GRXCR1: variants seen among roughly 807,000 people sequenced by gnomAD.
GRXCR1 encodes the protein glutaredoxin and cysteine rich domain containing 1, also known as glutaredoxin domain-containing cysteine-rich protein 1.
A neutral mutation model predicts 27.3 loss-of-function variants in GRXCR1; 27 were observed. That is an observed-to-expected ratio of 0.99 (90% CI 0.73 to 1.37). GRXCR1 has a LOEUF of 1.37. Among genes scored for constraint, GRXCR1 ranks in the 40% most tolerant of loss-of-function variants. The pLI, the probability that GRXCR1 is intolerant of heterozygous loss-of-function variation, is 0.00. For missense variants in GRXCR1, 379 were observed against 354.4 expected, an observed-to-expected ratio of 1.07 and a Z score of -0.56; for synonymous variants, 122 against 131.1, an observed-to-expected ratio of 0.93 and a Z score of 0.47.
chr4:43,002,162 A>G (rs9631555), intron 2 of GRXCR1, among the ~76,000 whole-genome samples: 2,867 of 152,322 alleles, frequency 0.019, 12 homozygotes, highest in African/African-American at 0.065. Flanking sequence ...CTCTATCTCA[A>G]CTGCAAGAGG....
intron 1 of GRXCR1, among the ~76,000 whole-genome samples, chr4:42,926,113 T>C (rs1321441558): frequency 6.6e-6 from 1 of 152,078 alleles, no homozygotes; most frequent in Non-Finnish European, 1.5e-5. Flanking sequence ...ACATTGCTGT[T>C]AGTGAGTGCA....
At chr4:42,942,621 T>C (rs1747650362) in intron 1 of GRXCR1, among the ~76,000 whole-genome samples, 1 of 152,094 alleles carries the variant, frequency 6.6e-6, no homozygotes. Context: ...GTGTGTCTAA[T>C]AATCATGAGG....
At chr4:42,913,165 T>A (rs996645626) in intron 1 of GRXCR1, among the ~76,000 whole-genome samples, 1 of 152,108 alleles carries the variant, frequency 6.6e-6, no homozygotes, top group African/African-American at 2.4e-5. Flanking sequence ...AATAAATCAG[T>A]ACCAGGAGTG....
At chr4:42,925,174 C>A (rs1747130668) in intron 1 of GRXCR1, among the ~76,000 whole-genome samples, 1 of 151,870 alleles carries the variant, frequency 6.6e-6, no homozygotes, top group Admixed American at 6.6e-5. Flanking sequence ...TCCTGTGATT[C>A]TTGGGTGTAA....
In GRXCR1 at chr4:43,030,364, G is replaced by A. The variant is rs1398602943; in HGVS notation, c.697G>A (p.Val233Ile). ...GTTCCCCTGCCACCTTATACAGAGA[G>A]TACAGCATCCACATGAGTGTCCCTC... ...LQDILTKIERVQHPHECPSCG... is the reference protein window; with the variant it reads ...LQDILTKIERIQHPHECPSCG... Residue 233 changes from valine (V) to isoleucine (I), a missense_variant, in exon 4 of 4, where the codon GTA (valine) becomes ATA (isoleucine). Physicochemically the swap from Val to Ile is conservative, Grantham distance 29. Coordinates refer to ENST00000399770, the MANE Select transcript of GRXCR1 (RefSeq NM_001080476.3). 5 of 1,613,470 alleles carry A rather than the reference G, an allele frequency of 3.1e-6. No individual in the cohort carries two copies. In the South Asian group the frequency reaches 5.5e-5, roughly 18 times the overall value.
intron 1 of GRXCR1, among the ~76,000 whole-genome samples, chr4:42,902,635 C>A (rs1746486854): frequency 6.6e-6 from 1 of 152,026 alleles, no homozygotes; most frequent in African/African-American, 2.4e-5. Context: ...TGAATGATGA[C>A]AACACATGAA....
rs941535738 is a variant in GRXCR1 at position 42,982,887 on chromosome 4, A to C, written c.627+19753A>C. Reference sequence around the variant, plus strand: ...AAGTGTCTGTTCATGTCCTTCGCCCACTTTTTGATGGGGTTGTTTGTTTTT... The same window carrying C: ...AAGTGTCTGTTCATGTCCTTCGCCCCCTTTTTGATGGGGTTGTTTGTTTTT... On this transcript the variant is annotated intron_variant, in intron 2 of 3. Coordinates refer to ENST00000399770, the MANE Select transcript of GRXCR1 (RefSeq NM_001080476.3). 3.9e-4 allele frequency among the ~76,000 whole-genome samples: 58 copies of C among 150,036 alleles called. 2 individuals are homozygous for C. The South Asian group carries it at 0.012, about 31-fold the overall frequency.
intron 1 of GRXCR1, among the ~76,000 whole-genome samples, chr4:42,932,757 G>T (rs898862726): frequency 6.0e-5 from 9 of 150,670 alleles, no homozygotes; most frequent in Admixed American, 5.3e-4. Context: ...TGTTAAGAGA[G>T]AATTTACTCC....
chr4:42,988,987 T>C (rs557911028), intron 2 of GRXCR1, among the ~76,000 whole-genome samples: 11 of 152,292 alleles, frequency 7.2e-5, no homozygotes, highest in Admixed American at 6.5e-4. Flanking sequence ...ACTTCAACTT[T>C]CACATGTATA....
At chr4:42,916,738 A>C (rs1560648201) in intron 1 of GRXCR1, among the ~76,000 whole-genome samples, 3 of 152,126 alleles carry the variant, frequency 2.0e-5, no homozygotes, top group Admixed American at 2.0e-4. Context: ...CCCCAATGTA[A>C]TTAATAAATA....
intron 2 of GRXCR1, among the ~76,000 whole-genome samples, chr4:42,987,470 CG>C (rs1013537088): frequency 8.1e-4 from 123 of 151,144 alleles, no homozygotes; most frequent in African/African-American, 2.9e-3. Context: ...TTTGTAGAGA[CG>C]GGGGTCTCAC....
intron 2 of GRXCR1, among the ~76,000 whole-genome samples, chr4:42,965,248 G>A (rs1385113386): frequency 1.3e-5 from 2 of 152,044 alleles, no homozygotes; most frequent in Admixed American, 1.3e-4. Context: ...TGGTAGCCTA[G>A]AGGAGGAACT....
rs1266339032 is a variant in GRXCR1, at chr4:43,020,219, T to C, written c.628-135T>C. ...AAATGTCTTCTTCTCTTTGGCATCC[T>C]AGTTGTACATTTACTCAGCTCCAAA... On this transcript the variant is annotated intron_variant, in intron 2 of 3. Transcript: ENST00000399770. 4 of 697,254 alleles carry C rather than the reference T, an allele frequency of 5.7e-6. No individual in the cohort carries two copies. In the African/African-American group the frequency reaches 7.1e-5, roughly 12 times the overall value. 43.2% of individuals were successfully genotyped at this position (697,254 alleles called of 1,614,324 possible).
intron 1 of GRXCR1, among the ~76,000 whole-genome samples, chr4:42,924,607 T>G (rs1747103226): frequency 6.6e-6 from 1 of 152,092 alleles, no homozygotes; most frequent in Non-Finnish European, 1.5e-5. Flanking sequence ...AACAAAAATG[T>G]TTGGAAGACC....
At chr4:42,900,208 T>C (rs889745982) in intron 1 of GRXCR1, among the ~76,000 whole-genome samples, 3 of 152,144 alleles carry the variant, frequency 2.0e-5, no homozygotes, top group Admixed American at 2.0e-4. Flanking sequence ...CAATAATTAT[T>C]GCCTGGAAGG....
chr4:42,942,504 ATGTT>A (rs1229298891), intron 1 of GRXCR1, among the ~76,000 whole-genome samples: 2 of 152,050 alleles, frequency 1.3e-5, no homozygotes, highest in Non-Finnish European at 2.9e-5. Flanking sequence ...TTTCTGTAGA[ATGTT>A]TGGTTACTCT....
intron 2 of GRXCR1, among the ~76,000 whole-genome samples, chr4:42,987,231 A>ATATATATATATAT (rs1467414191): frequency 3.4e-4 from 29 of 86,516 alleles, no homozygotes; most frequent in East Asian, 2.7e-3. Context: ...ATTATATATT[A>ATATATATATATAT]TATATATATA....
intron 1 of GRXCR1, among the ~76,000 whole-genome samples, chr4:42,948,049 T>C (rs9994492): frequency 0.014 from 2,142 of 152,292 alleles, 53 homozygotes; most frequent in African/African-American, 0.049. Context: ...ATCTTGTCGT[T>C]ATTTGTTTTC....
chr4:42,897,387 C>T (rs551598337), intron 1 of GRXCR1, among the ~76,000 whole-genome samples: 1 of 152,110 alleles, frequency 6.6e-6, no homozygotes, highest in Non-Finnish European at 1.5e-5. Flanking sequence ...AATTTCCTTT[C>T]CTTCTCCAAA....
Sources: allele counts gnomAD v4.1 joint callset (sites outside exome capture counted in the v4.1 genomes callset), GRCh38; gene constraint gnomAD v4.1.1; transcripts MANE v1.5; gene names NCBI Gene and HGNC (gene_info 2026-07-23, HGNC 2026-07-21).